Variants in BRWD1 observed in about 807,000 individuals in gnomAD.
BRWD1 encodes bromodomain and WD repeat domain containing 1, also known as bromodomain and WD repeat-containing protein 1.
A neutral mutation model predicts 251.2 loss-of-function variants in BRWD1; 82 were observed. The ratio of observed to expected loss-of-function variants is 0.33; its 90% CI spans 0.27 to 0.39. The LOEUF (loss-of-function observed/expected upper bound fraction) is 0.39. Ranked by LOEUF, BRWD1 falls within the 10% of genes least tolerant of loss-of-function variation. BRWD1 has a pLI of 1.00. For synonymous variants in BRWD1, 918 were observed against 902.8 expected, an observed-to-expected ratio of 1.02 and a Z score of -0.30; for missense variants, 2,233 against 2,711.6, an observed-to-expected ratio of 0.82 and a Z score of 3.92.
At position 39,278,777 on chromosome 21, in the gene BRWD1, T is replaced by C. The variant is rs1391164643; in HGVS notation, c.969A>G (p.Pro323=). Residue 323 remains proline, a synonymous_variant, in exon 10 of 41, where the codon CCA becomes CCG. Transcript: ENST00000342449. ...AAGAAGAACAAAGCATTTGAACGCC[T>C]GGCCTAGGCTTTTCAGTGAACTTCA... ...RPLKFTEKPR[P]GVQMLCSSFS... is the part of the protein sequence containing the mutation. 1.3e-6 allele frequency: 2 copies of C among 1,594,746 alleles called. No homozygotes were observed. The highest frequency in any genetic ancestry group is 1.7e-6 in the Non-Finnish European group (2 of 1,172,992).
Position 39,187,903 on chromosome 21 carries a change from G to T in BRWD1, c.*8356C>A, listed in dbSNP as rs564771858. ...TAACCTAGCCTAAGGGATCAAGGAA[G>T]GCTTCCTTTAAGGAAGCTTTTAGAC... On this transcript the variant is annotated 3_prime_UTR_variant, in exon 41 of 41. Transcript: ENST00000342449. 1.0e-6 allele frequency: 1 copy of T among 977,450 alleles called. No homozygotes were observed. The highest frequency in any genetic ancestry group is 4.7e-5 in the South Asian group (1 of 21,114). The allele number at this position is 977,450 out of a possible 1,614,324, so 60.5% of individuals were successfully genotyped here.
intron 2 of BRWD1, 23 bp from the exon 3 acceptor site, chr21:39,313,124 CA>C: frequency 6.7e-7 from 1 of 1,496,382 alleles, no homozygotes; most frequent in Non-Finnish European, 8.9e-7. Context: ...GACGCGCGGT[CA>C]GGGGTGGGGT....
upstream of BRWD1, chr21:39,314,466 G>C (rs1277280286): frequency 2.9e-5 from 11 of 385,310 alleles, no homozygotes; most frequent in Admixed American, 2.8e-4. Context: ...ACGGGCCGCA[G>C]ACCCTCCTTA....
chr21:39,270,266 T>C lies in BRWD1; in HGVS notation c.1395+17A>G, dbSNP rs375197024. ...TCAAAAAATCTCATTTGTTACACTG[T>C]ACCAGAAATTACCTACCATTAAGTT... is the stretch of plus-strand genomic sequence containing the variant. On this transcript the variant is annotated intron_variant, in intron 14 of 40. Coordinates refer to ENST00000342449, the MANE Select transcript of BRWD1 (RefSeq NM_033656.4). 2 of 1,545,286 alleles carry C rather than the reference T, an allele frequency of 1.3e-6. No homozygotes were observed. The highest frequency in any genetic ancestry group is 1.7e-6 in the Non-Finnish European group (2 of 1,148,056).
intron 3 of BRWD1, 78 bp downstream of exon 3, chr21:39,312,988 CGGGCGG>C: frequency 2.6e-6 from 2 of 783,324 alleles, no homozygotes; most frequent in Admixed American, 9.5e-5. Flanking sequence ...CGGCGGGCGG[CGGGCGG>C]GGGGCGCGGG....
intron 28 of BRWD1, 151 bp downstream of exon 28, chr21:39,224,935 G>A (rs2033321446): frequency 8.2e-6 from 5 of 610,172 alleles, no homozygotes; most frequent in South Asian, 1.9e-5. Flanking sequence ...CAAAGAGTAG[G>A]TGCATGTCTG....
At chr21:39,202,127 T>G (rs368737374) in intron 38 of BRWD1, among the ~76,000 whole-genome samples, 198 bp downstream of exon 38, 1 of 152,236 alleles carries the variant, frequency 6.6e-6, no homozygotes, top group East Asian at 1.9e-4. Flanking sequence ...TCAATATAAA[T>G]GTACCATTCA....
At chr21:39,249,337 T>C (rs747558792) in intron 20 of BRWD1, among the ~76,000 whole-genome samples, 2 of 152,232 alleles carry the variant, frequency 1.3e-5, no homozygotes, top group African/African-American at 4.8e-5. Flanking sequence ...CTTGCACATA[T>C]ACCCCTGAAG....
At chr21:39,296,168 C>T in intron 6 of BRWD1, 97 bp downstream of exon 6, 6 of 947,640 alleles carry the variant, frequency 6.3e-6, no homozygotes, top group South Asian at 2.6e-5. Context: ...ACATTTCAAC[C>T]AGTATTTCCT....
rs745716812 is a variant in BRWD1, at chr21:39,236,662, G to A, written c.2699C>T (p.Ser900Phe). The A allele has an allele frequency of 1.2e-6, 2 of 1,613,600 alleles. No homozygotes were observed. Among genetic ancestry groups the A allele is most frequent in the South Asian group, 2.2e-5 (2 of 91,006 alleles). The stretch of plus-strand genomic sequence containing the variant: ...TTTTGGAGGAGATAAATTCTCAGTA[G>A]ATATTTCATCTTCTGAACTACTACA... ...RFCSSSEDEI[S>F]TENLSPPKRR... The change falls in exon 23 of 41, where the codon TCT (serine) becomes TTT (phenylalanine). Residue 900 changes from serine (S) to phenylalanine (F), a missense_variant. Coordinates refer to ENST00000342449, the MANE Select transcript of BRWD1 (RefSeq NM_033656.4).
Position 39,278,809 on chromosome 21 carries a change from G to A in BRWD1, c.937C>T (p.Arg313Cys), listed in dbSNP as rs751345374. The change falls in exon 10 of 41, where the codon CGT becomes TGT. Residue 313 changes from arginine to cysteine, a missense_variant. Around this residue, in one of 12 missense-constraint regions of BRWD1, gnomAD observed 315 missense variants for 421.8 expected, o/e 0.75. Coordinates refer to ENST00000342449, the MANE Select transcript of BRWD1 (RefSeq NM_033656.4). Reference sequence around the variant, plus strand: ...GGCTTTTCAGTGAACTTCAGGGGACGTGGGCTTTAAAAGAAGAAGATGCTG... The same window carrying A: ...GGCTTTTCAGTGAACTTCAGGGGACATGGGCTTTAAAAGAAGAAGATGCTG... ...WDLESLKFSP[R>C]PLKFTEKPRP... 17 of 1,582,352 alleles carry A rather than the reference G, an allele frequency of 1.1e-5. No individual in the cohort carries two copies. The highest frequency in any genetic ancestry group is 1.4e-5 in the African/African-American group (1 of 73,130).
Position 39,197,396 on chromosome 21 carries a change from ATTG to A in BRWD1, c.5670_5672del (p.Asn1891del). The stretch of plus-strand genomic sequence containing the variant: ...TCCTGGAAATTTTTCTGCTTAGTCC[ATTG>A]TCTTGTGATGCAGAATCTAAAAGTT... On this transcript the variant is annotated inframe_deletion, in exon 41 of 41. Transcript: ENST00000342449. 1.9e-6 allele frequency: 3 copies of A among 1,592,230 alleles called. No individual in the cohort carries two copies. In the South Asian group the frequency reaches 3.4e-5, roughly 18 times the overall value.
At chr21:39,225,362 T>A (rs927411444) in intron 27 of BRWD1, among the ~76,000 whole-genome samples, 165 bp from the exon 28 acceptor site, 1 of 152,100 alleles carries the variant, frequency 6.6e-6, no homozygotes, top group African/African-American at 2.4e-5. Context: ...GCATAAAAAA[T>A]TTAACTTTTA....
intron 19 of BRWD1, among the ~76,000 whole-genome samples, chr21:39,253,591 A>G (rs1268407283): frequency 6.6e-6 from 1 of 152,180 alleles, no homozygotes; most frequent in Non-Finnish European, 1.5e-5. Flanking sequence ...TACTATATAC[A>G]TATTGATTTT....
chr21:39,192,500 T>A lies in BRWD1; in HGVS notation c.*3759A>T, dbSNP rs1215323976. 1 of 984,954 alleles carries A rather than the reference T, an allele frequency of 1.0e-6. No individual in the cohort carries two copies. The highest frequency in any genetic ancestry group is 1.7e-5 in the African/African-American group (1 of 57,196). The allele number at this position is 984,954 out of a possible 1,614,324, so 61.0% of individuals were successfully genotyped here. ...GAAATTCAGAGGTATAACTTCAACATTAACAGGTGAAAAGTTCTACAATGA... is the reference window on the plus strand; with the variant it reads ...GAAATTCAGAGGTATAACTTCAACAATAACAGGTGAAAAGTTCTACAATGA... On this transcript the variant is annotated 3_prime_UTR_variant, in exon 41 of 41. Coordinates refer to ENST00000342449, the MANE Select transcript of BRWD1 (RefSeq NM_033656.4).
rs1477384917 is a variant in BRWD1 at position 39,313,540 on chromosome 21, T to C, written c.-49A>G. ...GGAGCGAGCGAGCGAGCGGAGCGTG[T>C]AGGCCGCGCCGAGGCCTGACCGGGC... is the stretch of plus-strand genomic sequence containing the variant. On this transcript the variant is annotated 5_prime_UTR_variant, in exon 1 of 41. Coordinates refer to ENST00000342449, the MANE Select transcript of BRWD1 (RefSeq NM_033656.4). 3.1e-6 allele frequency: 4 copies of C among 1,310,922 alleles called. No individual in the cohort carries two copies. Among genetic ancestry groups the C allele is most frequent in the East Asian group, 3.2e-5 (1 of 31,672 alleles). The allele number at this position is 1,310,922 out of a possible 1,614,324, so 81.2% of individuals were successfully genotyped here.
At chr21:39,266,255 A>C (rs1157192496) in intron 15 of BRWD1, among the ~76,000 whole-genome samples, 1 of 138,544 alleles carries the variant, frequency 7.2e-6, no homozygotes, top group Non-Finnish European at 1.5e-5. Context: ...TAAGATGTGC[A>C]TATTAATTCA....
chr21:39,217,965 C>CA (rs917417005), intron 31 of BRWD1, among the ~76,000 whole-genome samples, 187 bp downstream of exon 31: 9 of 152,018 alleles, frequency 5.9e-5, no homozygotes, highest in South Asian at 2.1e-4. Context: ...ATATGGTAGT[C>CA]AATCTTCTGC....
At chr21:39,312,977 G>A (rs2036555500) in intron 3 of BRWD1, 77 bp from the exon 4 acceptor site, 1 of 459,512 alleles carries the variant, frequency 2.2e-6, no homozygotes, top group Non-Finnish European at 2.8e-6. Context: ...CCGGGGGCGG[G>A]CGGCGGGCGG....
Sources: gnomAD v4.1 joint callset for allele counts (sites outside exome capture counted in the v4.1 genomes callset) on GRCh38, gnomAD v4.1.1 for gene constraint, gnomAD v4.1.1 regional missense constraint, MANE v1.5 for transcripts, NCBI Gene and HGNC (gene_info 2026-07-23, HGNC 2026-07-21) for gene names.